NEB: variants seen among roughly 807,000 people sequenced by gnomAD.
The protein encoded by NEB is nemaline myopathy type 2.
Under a neutral mutation model 952.2 loss-of-function variants are expected in NEB, and 512 were observed. The observed-to-expected ratio is 0.54, with a 90% CI of 0.50 to 0.58. The LOEUF (loss-of-function observed/expected upper bound fraction) is 0.58. NEB is among the 20% of genes least tolerant of loss of function. The pLI is 0.00. For missense variants in NEB, 8,428 were observed against 9,231.1 expected, an observed-to-expected ratio of 0.91 and a Z score of 3.56; for synonymous variants, 2,900 against 3,149.8, an observed-to-expected ratio of 0.92 and a Z score of 2.66.
Position 151,485,903 on chromosome 2 carries a change from C to A in NEB, c.25435G>T (p.Ala8479Ser). 6.2e-7 allele frequency: 1 copy of A among 1,613,904 alleles called. No individual in the cohort carries two copies. The highest frequency in any genetic ancestry group is 1.1e-5 in the South Asian group (1 of 91,084). ...KIFRAMYDYM[A>S]ADADEVSFKD... ...AAGGACACCTCATCTGCATCAGCAG[C>A]CATATAGTCATACATGGCACGGAAG... Residue 8479 changes from alanine (A) to serine (S), a missense_variant, in exon 182 of 182, where the codon GCT (alanine) becomes TCT (serine). Coordinates refer to ENST00000397345, the MANE Select transcript of NEB (RefSeq NM_001164508.2).
At chr2:151,620,854 C>T in intron 72 of NEB, 65 bp downstream of exon 72, 1 of 1,234,672 alleles carries the variant, frequency 8.1e-7, no homozygotes, top group Non-Finnish European at 1.2e-6. Flanking sequence ...ACCAAAGAGA[C>T]ATCCAGCTGT....
rs572391597 is a variant in NEB at position 151,662,713 on chromosome 2, A to AAC, written c.5764-373_5764-372insGT. Among the ~76,000 whole-genome samples the AAC allele has an allele frequency of 9.6e-4, 146 of 152,236 alleles. 1 individual carries two copies. The highest frequency in any genetic ancestry group is 3.4e-3 in the African/African-American group (141 of 41,556). ...GCTGACCTTTCTTATAAAAATTCCC[A>AAC]AGTCCCCTTGGTTAACAGATGACTA... On this transcript the variant is annotated intron_variant, in intron 45 of 181. Transcript: ENST00000397345.
intron 168 of NEB, among the ~76,000 whole-genome samples, chr2:151,501,096 G>C (rs935729009): frequency 1.3e-5 from 2 of 152,072 alleles, no homozygotes; most frequent in African/African-American, 4.8e-5. Flanking sequence ...AAGTAAATAA[G>C]AGCTTTAGTG....
chr2:151,488,407 G>A (rs188721359), intron 181 of NEB, among the ~76,000 whole-genome samples: 34 of 151,342 alleles, frequency 2.2e-4, no homozygotes, highest in African/African-American at 8.0e-4. Context: ...AGCATTTTAG[G>A]AGGCCAAAGC....
At chr2:151,702,976 A>C (rs2099682304) in intron 13 of NEB, among the ~76,000 whole-genome samples, 2 of 152,038 alleles carry the variant, frequency 1.3e-5, no homozygotes, top group Non-Finnish European at 2.9e-5. Flanking sequence ...ACATTTGGGC[A>C]TGATTTTGCA....
intron 102 of NEB, 115 bp from the exon 103 acceptor site, chr2:151,581,702 T>G: frequency 2.5e-6 from 3 of 1,181,996 alleles, no homozygotes; most frequent in Non-Finnish European, 3.5e-6. Context: ...AAAAAAATTT[T>G]AAGTGAATTT....
At chr2:151,531,687 C>G in intron 144 of NEB, 105 bp downstream of exon 144, 1 of 845,134 alleles carries the variant, frequency 1.2e-6, no homozygotes, top group Non-Finnish European at 2.0e-6. Context: ...CTCCCTCCCA[C>G]TAAATGGCAG....
At chr2:151,494,043 C>G in intron 174 of NEB, 118 bp downstream of exon 174, 1 of 958,280 alleles carries the variant, frequency 1.0e-6, no homozygotes, top group Admixed American at 2.1e-5. Context: ...ATATTTAGAG[C>G]AGATGCAAAT....
At chr2:151,694,658 G>C in intron 18 of NEB, 29 bp from the exon 19 acceptor site, 1 of 1,541,350 alleles carries the variant, frequency 6.5e-7, no homozygotes, top group Non-Finnish European at 8.8e-7. Flanking sequence ...CAAAGGAATT[G>C]GCAAAAGTGA....
intron 5 of NEB, among the ~76,000 whole-genome samples, chr2:151,727,053 T>TA (rs796713907): frequency 0.067 from 8,386 of 124,694 alleles, 277 homozygotes; most frequent in Middle Eastern, 0.11. Context: ...TTCTGTTTCT[T>TA]AAAAAAAAAA....
Position 151,725,580 on chromosome 2 carries a change from T to C in NEB, c.295-20A>G, listed in dbSNP as rs756307220. On this transcript the variant is annotated intron_variant, in intron 5 of 181. Transcript: ENST00000397345. Reference sequence around the variant, plus strand: ...TTTATTCTGAAAAGAATATCAGATATTAGCCTAACAAGACAGCAGTGAAAA... The same window carrying C: ...TTTATTCTGAAAAGAATATCAGATACTAGCCTAACAAGACAGCAGTGAAAA... The C allele has an allele frequency of 2.5e-6, 4 of 1,593,304 alleles. No individual in the cohort carries two copies.
intron 161 of NEB, among the ~76,000 whole-genome samples, chr2:151,512,387 G>A (rs1466447258): frequency 6.6e-6 from 1 of 151,020 alleles, no homozygotes; most frequent in Non-Finnish European, 1.5e-5. Flanking sequence ...CTGCAGTGGT[G>A]CAGTCACAGC....
chr2:151,626,644 C>G (rs181838705), intron 70 of NEB, among the ~76,000 whole-genome samples: 22 of 152,020 alleles, frequency 1.4e-4, no homozygotes, highest in Non-Finnish European at 2.6e-4. Context: ...TCACACCATT[C>G]TCCTGCCTCA....
chr2:151,614,116 G>A lies in NEB; in HGVS notation c.11601+160C>T, dbSNP rs140130412. Among the ~76,000 whole-genome samples the A allele has an allele frequency of 1.4e-3, 216 of 152,226 alleles. 1 individual carries two copies. The highest frequency in any genetic ancestry group is 4.9e-3 in the African/African-American group (205 of 41,534). ...TTGATAATGATATTTCAATATGATT[G>A]GTTTCTTCTGAAACTAAATACATAC... On this transcript the variant is annotated intron_variant, in intron 77 of 181. Coordinates refer to ENST00000397345, the MANE Select transcript of NEB (RefSeq NM_001164508.2).
At chr2:151,533,059 A>G (rs1339348538) in intron 143 of NEB, among the ~76,000 whole-genome samples, 2 of 152,208 alleles carry the variant, frequency 1.3e-5, no homozygotes. Flanking sequence ...TGAACAAGAG[A>G]CACATTAGAT....
rs768336165 is a variant in NEB, at chr2:151,619,591, T to C, written c.10732A>G (p.Met3578Val). ...YKTRYSSPVD[M>V]LGIVLAKKCQ... ...TTCTTGGCCAAAACGATACCAAGCA[T>C]GTCCACTGGGCTGCTGTACCTTGTC... Residue 3578 changes from methionine to valine, a missense_variant, in exon 73 of 182, where the codon ATG becomes GTG. Transcript: ENST00000397345. 1 of 1,613,986 alleles carries C rather than the reference T, an allele frequency of 6.2e-7. No homozygotes were observed. Among genetic ancestry groups the C allele is most frequent in the Non-Finnish European group, 8.5e-7 (1 of 1,179,866 alleles).
At chr2:151,570,007 G>A in intron 109 of NEB, 74 bp downstream of exon 109, 1 of 1,381,416 alleles carries the variant, frequency 7.2e-7, no homozygotes, top group Non-Finnish European at 9.9e-7. Flanking sequence ...TGACAGAAGG[G>A]GTTAGTGTCA....
At position 151,654,052 on chromosome 2, in the gene NEB, A is replaced by AT. The variant is rs1164999202; in HGVS notation, c.6854dup (p.Asp2285GlufsTer5). On this transcript the variant is annotated frameshift_variant, in exon 52 of 182. Transcript: ENST00000397345. LOFTEE classifies it high-confidence loss of function. Reference sequence around the variant, plus strand: ...GTACAGAAATTGCATCAACTGGGAGATCATAGCCTTTCTTCAAAGCTTCTT... The same window carrying AT: ...GTACAGAAATTGCATCAACTGGGAGATTCATAGCCTTTCTTCAAAGCTTCTT... 1 of 1,611,670 alleles carries AT rather than the reference A, an allele frequency of 6.2e-7. No individual in the cohort carries two copies. The highest frequency in any genetic ancestry group is 1.1e-5 in the South Asian group (1 of 90,582).
intron 71 of NEB, among the ~76,000 whole-genome samples, chr2:151,623,776 CTTTA>C (rs1223847816): frequency 2.6e-5 from 4 of 151,976 alleles, no homozygotes; most frequent in Non-Finnish European, 1.5e-5. Flanking sequence ...AGGTCAAATA[CTTTA>C]TTTATTACAT....
Sources: gnomAD v4.1 joint callset for allele counts (sites outside exome capture counted in the v4.1 genomes callset) on GRCh38, gnomAD v4.1.1 for gene constraint, MANE v1.5 for transcripts, NCBI Gene and HGNC (gene_info 2026-07-23, HGNC 2026-07-21) for gene names.